Variants in LSAMP observed in about 807,000 individuals in gnomAD.
LSAMP encodes limbic system associated membrane protein, also known as limbic system-associated membrane protein.
A neutral mutation model predicts 38.6 loss-of-function variants in LSAMP; 7 were observed. That is an observed-to-expected ratio of 0.18 (90% CI 0.10 to 0.34). The LOEUF is 0.34. LSAMP is among the 10% of genes least tolerant of loss of function. The pLI, the probability that LSAMP is intolerant of heterozygous loss-of-function variation, is 1.00. For synonymous variants in LSAMP, 154 were observed against 166.8 expected, an observed-to-expected ratio of 0.92 and a Z score of 0.59; for missense variants, 313 against 420.0, an observed-to-expected ratio of 0.75 and a Z score of 2.23.
Position 116,340,338 on chromosome 3 carries a change from T to G in LSAMP, c.155+104539A>C, listed in dbSNP as rs114048776. Among the ~76,000 whole-genome samples the G allele has an allele frequency of 4.9e-3, 752 of 152,166 alleles. 7 individuals carry two copies. Among genetic ancestry groups the G allele is most frequent in the African/African-American group, 0.017 (713 of 41,534 alleles). ...AATATGTATTGCTGTTTTCTTTTTT[T>G]GTGTTGTTGCAGACACCATTCTAAC... On this transcript the variant is annotated intron_variant, in intron 1 of 6. Coordinates refer to ENST00000490035, the MANE Select transcript of LSAMP (RefSeq NM_002338.5).
intron 2 of LSAMP, among the ~76,000 whole-genome samples, chr3:116,070,987 C>T (rs1272365980): frequency 1.3e-5 from 2 of 151,204 alleles, no homozygotes; most frequent in East Asian, 3.9e-4. Flanking sequence ...TTGCAGTGAG[C>T]CGAGATTGCA....
chr3:116,215,854 T>C (rs1232183881), intron 1 of LSAMP, among the ~76,000 whole-genome samples: 6 of 152,192 alleles, frequency 3.9e-5, no homozygotes, highest in South Asian at 2.1e-4. Context: ...GTGAATAACA[T>C]GCTTAGATGA....
At chr3:116,043,912 C>T (rs922402767) in intron 2 of LSAMP, among the ~76,000 whole-genome samples, 5 of 152,220 alleles carry the variant, frequency 3.3e-5, no homozygotes, top group Non-Finnish European at 5.9e-5. Flanking sequence ...CGCCGCTGCA[C>T]TCCCGCCTGG....
At chr3:116,277,444 C>A (rs1232103214) in intron 1 of LSAMP, among the ~76,000 whole-genome samples, 1 of 151,952 alleles carries the variant, frequency 6.6e-6, no homozygotes, top group East Asian at 1.9e-4. Flanking sequence ...TCTCGGCTCA[C>A]TGCAGCCTCC....
chr3:116,437,507 A>G (rs2049369774), intron 1 of LSAMP, among the ~76,000 whole-genome samples: 1 of 152,170 alleles, frequency 6.6e-6, no homozygotes, highest in African/African-American at 2.4e-5. Flanking sequence ...CATTTCCTTG[A>G]AACAAATCCT....
At chr3:116,440,768 C>T (rs565409566) in intron 1 of LSAMP, among the ~76,000 whole-genome samples, 1 of 152,286 alleles carries the variant, frequency 6.6e-6, no homozygotes, top group South Asian at 2.1e-4. Context: ...AGTATCAGGG[C>T]TAACCAACAA....
intron 1 of LSAMP, among the ~76,000 whole-genome samples, chr3:116,131,992 T>C (rs1709145343): frequency 6.6e-6 from 1 of 151,908 alleles, no homozygotes. Context: ...CACGCCCAGC[T>C]AATTTTTGTA....
chr3:116,121,226 T>C (rs9289043), intron 1 of LSAMP, among the ~76,000 whole-genome samples: 4,842 of 152,318 alleles, frequency 0.032, 233 homozygotes, highest in African/African-American at 0.11. Flanking sequence ...TTGCTTAGCA[T>C]TGAGGACTCA....
chr3:116,309,922 C>G (rs532554146), intron 1 of LSAMP, among the ~76,000 whole-genome samples: 40 of 152,228 alleles, frequency 2.6e-4, no homozygotes, highest in Non-Finnish European at 4.3e-4. Flanking sequence ...GTTTTTGTGA[C>G]TCTTCTTTCC....
intron 3 of LSAMP, among the ~76,000 whole-genome samples, chr3:115,885,644 G>A (rs1576184474): frequency 6.9e-6 from 1 of 145,766 alleles, no homozygotes; most frequent in East Asian, 2.1e-4. Context: ...GGGGTGGGTG[G>A]GGGGACAAGT....
At chr3:116,125,730 A>C (rs1708992988) in intron 1 of LSAMP, among the ~76,000 whole-genome samples, 1 of 152,178 alleles carries the variant, frequency 6.6e-6, no homozygotes, top group South Asian at 2.1e-4. Context: ...AGGCTTTATA[A>C]ATTAGGGCAG....
rs1403265204 is a variant in LSAMP at position 115,809,768 on chromosome 3, TGGAGAGATAGTGGA to T, written c.*535_*548del. 3 of 152,516 alleles carry T rather than the reference TGGAGAGATAGTGGA, an allele frequency of 2.0e-5. No homozygotes were observed. The highest frequency in any genetic ancestry group is 4.4e-5 in the Non-Finnish European group (3 of 68,600). 9.4% of individuals were successfully genotyped at this position (152,516 alleles called of 1,614,324 possible). A position where few individuals can be genotyped will look rare whatever the true frequency, so the allele number is the denominator to read the frequency against. ...AGGGAGAGGGGATGATCTCTAAAGTTGGAGAGATAGTGGAGGAAGGAAAGCCAGAGAAAGGCTCA... is the reference window on the plus strand; with the variant it reads ...AGGGAGAGGGGATGATCTCTAAAGTTGGAAGGAAAGCCAGAGAAAGGCTCA... On this transcript the variant is annotated 3_prime_UTR_variant, in exon 7 of 7. Transcript: ENST00000490035.
chr3:116,216,215 T>A (rs1441648240), intron 1 of LSAMP, among the ~76,000 whole-genome samples: 1 of 152,212 alleles, frequency 6.6e-6, no homozygotes, highest in Non-Finnish European at 1.5e-5. Context: ...TTAACCTTTT[T>A]ATTTTCCAAT....
chr3:116,399,967 AG>A (rs1356417085), intron 1 of LSAMP, among the ~76,000 whole-genome samples: 1 of 152,238 alleles, frequency 6.6e-6, no homozygotes, highest in Non-Finnish European at 1.5e-5. Flanking sequence ...AGAAAATCAA[AG>A]AAAAGTTGCA....
intron 3 of LSAMP, among the ~76,000 whole-genome samples, chr3:115,864,234 C>G (rs1935794190): frequency 6.7e-6 from 1 of 150,320 alleles, no homozygotes; most frequent in South Asian, 2.1e-4. Context: ...ATGAATTTTC[C>G]TCACTATTCT....
chr3:115,841,507 T>G lies in LSAMP; in HGVS notation c.919+338A>C, dbSNP rs372080335. 48 of 182,842 alleles carry G rather than the reference T, an allele frequency of 2.6e-4. No homozygotes were observed. In the South Asian group the frequency reaches 8.0e-3, roughly 30 times the overall value. The allele number at this position is 182,842 out of a possible 1,614,324, so 11.3% of individuals were successfully genotyped here. ...AAACACTGTTATCCATTTCCAGGCT[T>G]TTACATCACCTCTGCTTCTTAAAGG... On this transcript the variant is annotated intron_variant, in intron 6 of 6. Coordinates refer to ENST00000490035, the MANE Select transcript of LSAMP (RefSeq NM_002338.5).
intron 3 of LSAMP, among the ~76,000 whole-genome samples, chr3:115,974,874 C>T (rs1462246493): frequency 1.3e-5 from 2 of 152,108 alleles, no homozygotes; most frequent in Non-Finnish European, 2.9e-5. Flanking sequence ...TCGAACCTCT[C>T]ATCCTGACAT....
intron 3 of LSAMP, among the ~76,000 whole-genome samples, chr3:115,893,228 A>G (rs1936645610): frequency 6.6e-6 from 1 of 152,078 alleles, no homozygotes; most frequent in East Asian, 1.9e-4. Flanking sequence ...GCAAACCACC[A>G]TGGCCTGTGT....
Position 116,311,338 on chromosome 3 carries a change from C to CT in LSAMP, c.155+133538dup, listed in dbSNP as rs965728963. ...ACATTGAAATTAGTAGAGAATTTCA[C>CT]TTTTTTTTTCTTTTTAATTTACAAA... On this transcript the variant is annotated intron_variant, in intron 1 of 6. Coordinates refer to ENST00000490035, the MANE Select transcript of LSAMP (RefSeq NM_002338.5). Among the ~76,000 whole-genome samples the CT allele has an allele frequency of 3.9e-3, 596 of 151,614 alleles. 11 individuals are homozygous for CT. The highest frequency in any genetic ancestry group is 0.014 in the African/African-American group (568 of 41,350).
Sources: gnomAD v4.1 joint callset for allele counts (sites outside exome capture counted in the v4.1 genomes callset) on GRCh38, gnomAD v4.1.1 for gene constraint, MANE v1.5 for transcripts, NCBI Gene and HGNC (gene_info 2026-07-23, HGNC 2026-07-21) for gene names.